USH2A: variants seen among roughly 807,000 people sequenced by gnomAD.
USH2A encodes usherin, also known as Usher syndrome 2A (autosomal recessive, mild).
Under a neutral mutation model 538.9 loss-of-function variants are expected in USH2A, and 443 were observed. The observed-to-expected ratio is 0.82, with a 90% CI of 0.76 to 0.89. The LOEUF is 0.89. Among genes scored for constraint, USH2A ranks in the 40% least tolerant of loss-of-function variants. The pLI, the probability that USH2A is intolerant of heterozygous loss-of-function variation, is 0.00. For missense variants in USH2A, 6,633 were observed against 6,324.8 expected (o/e 1.05, Z -1.65); for synonymous variants, 2,413 against 2,273.5 (o/e 1.06, Z -1.75).
intron 55 of USH2A, among the ~76,000 whole-genome samples, chr1:215,772,151 T>C (rs1661310375): frequency 6.6e-6 from 1 of 152,166 alleles, no homozygotes; most frequent in Non-Finnish European, 1.5e-5. Flanking sequence ...TAAAATGAGA[T>C]ATATATGACA....
intron 69 of USH2A, 84 bp from the exon 70 acceptor site, chr1:215,634,787 TAGAG>T: frequency 4.4e-6 from 7 of 1,607,350 alleles, no homozygotes; most frequent in Non-Finnish European, 6.0e-6. Flanking sequence ...GATAGTAAAT[TAGAG>T]AGGAGTTGAA....
intron 21 of USH2A, among the ~76,000 whole-genome samples, chr1:216,119,920 A>G (rs1047839419): frequency 6.6e-6 from 1 of 152,132 alleles, no homozygotes; most frequent in African/African-American, 2.4e-5. Context: ...GTGCACAGAC[A>G]TTGATGGGTT....
At chr1:215,935,725 C>T (rs1425494165) in intron 37 of USH2A, among the ~76,000 whole-genome samples, 1 of 151,868 alleles carries the variant, frequency 6.6e-6, no homozygotes, top group Non-Finnish European at 1.5e-5. Context: ...ATATTAGATG[C>T]TTTCCTGAAA....
chr1:215,988,372 T>C (rs1234930707), intron 35 of USH2A, among the ~76,000 whole-genome samples: 1 of 152,192 alleles, frequency 6.6e-6, no homozygotes, highest in Non-Finnish European at 1.5e-5. Context: ...CTTCCTTCTT[T>C]TTAAGGCCGA....
intron 21 of USH2A, among the ~76,000 whole-genome samples, chr1:216,117,148 AT>A (rs989011831): frequency 6.6e-6 from 1 of 152,140 alleles, no homozygotes; most frequent in African/African-American, 2.4e-5. Flanking sequence ...AAGATCCAGT[AT>A]TTTACTAAAA....
intron 11 of USH2A, among the ~76,000 whole-genome samples, chr1:216,285,397 G>T (rs2036862223): frequency 6.6e-6 from 1 of 152,244 alleles, no homozygotes; most frequent in Admixed American, 6.5e-5. Context: ...GTGTGCAGAA[G>T]ACAAGAATTG....
At chr1:216,387,353 A>G (rs1435371583) in intron 3 of USH2A, among the ~76,000 whole-genome samples, 1 of 152,200 alleles carries the variant, frequency 6.6e-6, no homozygotes. Context: ...CATTTTCAAC[A>G]ATTTAGTTTC....
intron 15 of USH2A, 70 bp from the exon 16 acceptor site, chr1:216,207,501 T>C: frequency 6.3e-7 from 1 of 1,586,728 alleles, no homozygotes; most frequent in African/African-American, 1.3e-5. Context: ...TGAAGTAAGA[T>C]ATCCAGCAAA....
chr1:216,017,891 A>C (rs546343997), intron 32 of USH2A, among the ~76,000 whole-genome samples: 13 of 152,300 alleles, frequency 8.5e-5, no homozygotes, highest in Non-Finnish European at 1.6e-4. Flanking sequence ...CGCCTTATAT[A>C]GCATAAGAAA....
intron 11 of USH2A, among the ~76,000 whole-genome samples, chr1:216,270,452 T>C (rs1472207096): frequency 6.6e-6 from 1 of 152,176 alleles, no homozygotes; most frequent in African/African-American, 2.4e-5. Flanking sequence ...CATAGACTTC[T>C]CTTTTATAAA....
chr1:215,924,263 T>G (rs529010965), intron 38 of USH2A, among the ~76,000 whole-genome samples: 2 of 152,212 alleles, frequency 1.3e-5, no homozygotes, highest in African/African-American at 4.8e-5. Flanking sequence ...CAAAATCTAT[T>G]CTTCCTTAAG....
At chr1:216,121,077 G>T (rs182034315) in intron 21 of USH2A, among the ~76,000 whole-genome samples, 5 of 152,242 alleles carry the variant, frequency 3.3e-5, no homozygotes, top group African/African-American at 1.2e-4. Context: ...TGAGAAGAGG[G>T]CATAATATGT....
chr1:216,171,378 A>C (rs2034273142), intron 21 of USH2A, among the ~76,000 whole-genome samples: 1 of 151,992 alleles, frequency 6.6e-6, no homozygotes, highest in Admixed American at 6.6e-5. Context: ...CTCACCACTA[A>C]GTCAATTAAT....
At chr1:215,973,210 A>T (rs1341261517) in intron 35 of USH2A, among the ~76,000 whole-genome samples, 2 of 152,152 alleles carry the variant, frequency 1.3e-5, no homozygotes, top group East Asian at 3.8e-4. Flanking sequence ...TTTCTTACAT[A>T]ATTGGGGAAC....
intron 4 of USH2A, among the ~76,000 whole-genome samples, chr1:216,364,414 AAGTTATAT>A (rs1392173099): frequency 6.6e-6 from 1 of 152,192 alleles, no homozygotes; most frequent in Non-Finnish European, 1.5e-5. Flanking sequence ...CAAATGTAGT[AAGTTATAT>A]AGTAGATCCC....
At chr1:215,947,080 C>T (rs896660676) in intron 37 of USH2A, among the ~76,000 whole-genome samples, 5 of 149,986 alleles carry the variant, frequency 3.3e-5, no homozygotes, top group African/African-American at 9.8e-5. Context: ...GTCACTCTGT[C>T]GCCCAGACTG....
intron 11 of USH2A, among the ~76,000 whole-genome samples, chr1:216,273,813 GAAA>G (rs71739884): frequency 1.7e-5 from 2 of 115,864 alleles, no homozygotes; most frequent in African/African-American, 5.8e-5. Flanking sequence ...CTCCAATCCA[GAAA>G]AAAAAAAAAA....
intron 21 of USH2A, among the ~76,000 whole-genome samples, chr1:216,159,942 T>A (rs2034023734): frequency 6.6e-6 from 1 of 152,152 alleles, no homozygotes; most frequent in Non-Finnish European, 1.5e-5. Context: ...TTGTCAAGGT[T>A]TTAGCGTAGT....
At chr1:216,164,582 G>C (rs144176099) in intron 21 of USH2A, among the ~76,000 whole-genome samples, 46 of 152,146 alleles carry the variant, frequency 3.0e-4, no homozygotes, top group African/African-American at 1.0e-3. Context: ...TTTAAAGTTG[G>C]CTGTTTAAAT....
Sources: gnomAD v4.1 joint callset for allele counts (sites outside exome capture counted in the v4.1 genomes callset) on GRCh38, gnomAD v4.1.1 for gene constraint, MANE v1.5 for transcripts, NCBI Gene and HGNC (gene_info 2026-07-23, HGNC 2026-07-21) for gene names.